COL9A1: variants seen among roughly 807,000 people sequenced by gnomAD.
The protein encoded by COL9A1 is collagen type IX alpha 1 chain.
In COL9A1, 104 loss-of-function variants were observed where a neutral mutation model predicts 142.6. The ratio of observed to expected loss-of-function variants is 0.73; its 90% CI spans 0.62 to 0.86. The LOEUF (loss-of-function observed/expected upper bound fraction) is 0.86, where lower values mean the gene tolerates loss of function less well. Ranked by LOEUF, COL9A1 falls within the 40% of genes least tolerant of loss-of-function variation. The pLI is 0.00. For synonymous variants in COL9A1, 466 were observed against 396.0 expected (o/e 1.18, Z -2.10); for missense variants, 1,210 against 1,176.6 (o/e 1.03, Z -0.42).
chr6:70,279,648 C>CAAAAAAGAAAAAAAAA (rs1772992649), intron 10 of COL9A1: 1 of 58,210 alleles, frequency 1.7e-5, no homozygotes. Context: ...AACTTCGTCT[C>CAAAAAAGAAAAAAAAA]AAAAAAAAAA....
chr6:70,288,465 T>C (rs904528650), intron 5 of COL9A1, among the ~76,000 whole-genome samples: 1 of 152,194 alleles, frequency 6.6e-6, no homozygotes, highest in East Asian at 1.9e-4. Flanking sequence ...AGGAGATCCT[T>C]TTGAAAGATG....
rs149707614 is a variant in COL9A1 at position 70,223,679 on chromosome 6, G to T, written c.2581+2253C>A. The stretch of plus-strand genomic sequence containing the variant: ...CCTGCGCACTACACGAGGACACCGC[G>T]CCAAAGCGCAGAAAACGATCCACCA... On this transcript the variant is annotated intron_variant, in intron 37 of 37. Transcript: ENST00000357250. 1.4e-3 allele frequency among the ~76,000 whole-genome samples: 207 copies of T among 152,368 alleles called. 1 individual carries two copies. The highest frequency in any genetic ancestry group is 2.6e-3 in the Non-Finnish European group (175 of 68,042).
chr6:70,218,183 G>A (rs184914476), intron 37 of COL9A1, among the ~76,000 whole-genome samples: 200 of 152,276 alleles, frequency 1.3e-3, no homozygotes, highest in Non-Finnish European at 2.0e-3. Context: ...GGAAGCACCT[G>A]ATAAATAGGG....
At chr6:70,276,110 A>T (rs916528785) in intron 10 of COL9A1, among the ~76,000 whole-genome samples, 3 of 152,186 alleles carry the variant, frequency 2.0e-5, no homozygotes, top group Non-Finnish European at 2.9e-5. Flanking sequence ...AAACACACAC[A>T]AAAGAACTTT....
At chr6:70,267,437 C>T (rs1772099818) in intron 17 of COL9A1, among the ~76,000 whole-genome samples, 1 of 149,904 alleles carries the variant, frequency 6.7e-6, no homozygotes, top group Non-Finnish European at 1.5e-5. Flanking sequence ...ATTCTCTTCT[C>T]TCAGCTTCCC....
rs1770983309 is a variant in COL9A1, at chr6:70,252,153, T to A, written c.1839A>T (p.Gly613=). 1 of 1,614,020 alleles carries A rather than the reference T, an allele frequency of 6.2e-7. No homozygotes were observed. The highest frequency in any genetic ancestry group is 8.5e-7 in the Non-Finnish European group (1 of 1,180,016). Residue 613 remains glycine (G), a synonymous_variant, in exon 28 of 38, where the codon GGA becomes GGT. Transcript: ENST00000357250. ...SGKPGQQGPP[G]EVGPRGPQGL... The stretch of plus-strand genomic sequence containing the variant: ...CCTGGGGTCCTCGGGGTCCCACCTC[T>A]CCTGGAGGCCCCTGTTGGCCCTGTT...
At chr6:70,237,093 G>A (rs1323186481) in intron 33 of COL9A1, among the ~76,000 whole-genome samples, 1 of 152,196 alleles carries the variant, frequency 6.6e-6, no homozygotes, top group Non-Finnish European at 1.5e-5. Context: ...AAAGTGCTGG[G>A]ATTACAGGCA....
At chr6:70,270,534 A>G (rs990765881) in intron 14 of COL9A1, among the ~76,000 whole-genome samples, 167 bp from the exon 15 acceptor site, 9 of 152,212 alleles carry the variant, frequency 5.9e-5, no homozygotes, top group Non-Finnish European at 1.3e-4. Context: ...AATTAGTTCT[A>G]CAAAATGAGA....
At chr6:70,234,426 T>C (rs1041897943) in intron 35 of COL9A1, 113 bp downstream of exon 35, 7 of 1,077,054 alleles carry the variant, frequency 6.5e-6, no homozygotes, top group South Asian at 5.3e-5. Flanking sequence ...AAATGTCCTA[T>C]CTTTAAGGCA....
chr6:70,240,611 G>A (rs1469968128), intron 32 of COL9A1, 78 bp downstream of exon 32: 4 of 947,770 alleles, frequency 4.2e-6, no homozygotes, highest in Non-Finnish European at 6.7e-6. Context: ...TTTGAACTGT[G>A]TTAGAAGTAT....
chr6:70,294,919 C>A (rs1773796249), intron 4 of COL9A1, among the ~76,000 whole-genome samples: 1 of 152,288 alleles, frequency 6.6e-6, no homozygotes, highest in South Asian at 2.1e-4. Context: ...AAGTTCTTGG[C>A]AATATTTCAT....
Position 70,253,576 on chromosome 6 carries a change from T to C in COL9A1, c.1720-147A>G, listed in dbSNP as rs701688. On this transcript the variant is annotated intron_variant, in intron 25 of 37. Transcript: ENST00000357250. ...AGGAAGATGCTTCCTAGTTCCCAAA[T>C]TCTGCACAGTCATTTATAGAATTAC... 259,605 of 665,390 alleles carry C rather than the reference T, an allele frequency of 0.39. 52,202 individuals carry two copies. The highest frequency in any genetic ancestry group is 0.49 in the African/African-American group (27,250 of 55,590). The allele number at this position is 665,390 out of a possible 1,614,324, so 41.2% of individuals were successfully genotyped here.
At chr6:70,255,454 T>C in intron 21 of COL9A1, 64 bp from the exon 22 acceptor site, 3 of 1,424,112 alleles carry the variant, frequency 2.1e-6, no homozygotes, top group Non-Finnish European at 3.0e-6. Context: ...TTTTAAAAAT[T>C]AGAAAGTATC....
intron 28 of COL9A1, among the ~76,000 whole-genome samples, chr6:70,246,520 C>T (rs1319334383): frequency 6.6e-6 from 1 of 152,158 alleles, no homozygotes; most frequent in Non-Finnish European, 1.5e-5. Context: ...TGTCCTCCCC[C>T]CAACCCCATC....
chr6:70,246,966 A>G (rs1230385036), intron 28 of COL9A1, among the ~76,000 whole-genome samples: 2 of 152,234 alleles, frequency 1.3e-5, no homozygotes, highest in Admixed American at 1.3e-4. Flanking sequence ...TGAGGATTGA[A>G]TAAGTTAAAA....
intron 37 of COL9A1, among the ~76,000 whole-genome samples, chr6:70,223,014 G>A (rs1225844562): frequency 1.3e-5 from 2 of 152,124 alleles, no homozygotes; most frequent in African/African-American, 4.8e-5. Flanking sequence ...AGCCTCAGTG[G>A]ACAATTAACC....
chr6:70,268,407 G>T (rs1772170315), intron 17 of COL9A1, among the ~76,000 whole-genome samples: 1 of 152,018 alleles, frequency 6.6e-6, no homozygotes, highest in South Asian at 2.1e-4. Context: ...AGAGACAGGG[G>T]TCTCCCTCTG....
chr6:70,302,709 C>CTGTCTGTCTTCGGTTTTTTG (rs914484509), intron 1 of COL9A1, among the ~76,000 whole-genome samples: 16 of 152,080 alleles, frequency 1.1e-4, no homozygotes, highest in Non-Finnish European at 1.8e-4. Context: ...CTCCCTTCCT[C>CTGTCTGTCTTCGGTTTTTTG]TGTCTGTCTT....
rs745566207 is a variant in COL9A1, at chr6:70,302,007, G to T, written c.82C>A (p.Arg28Ser). 8.7e-6 allele frequency: 14 copies of T among 1,610,058 alleles called. No homozygotes were observed. Among genetic ancestry groups the T allele is most frequent in the Middle Eastern group, 3.4e-4 (2 of 5,968 alleles). ...EPWASAAVKR[R>S]PRFPVNSNSN... is the part of the protein sequence containing the mutation. ...TAGAAACTATGGCCCTTACTGGGGCGACGCTTGACAGCTGCAGATGCCCAG... is the reference window on the plus strand; with the variant it reads ...TAGAAACTATGGCCCTTACTGGGGCTACGCTTGACAGCTGCAGATGCCCAG... The change falls in exon 2 of 38, where the codon CGC (arginine) becomes AGC (serine). Residue 28 changes from arginine (R) to serine (S), a missense_variant. Transcript: ENST00000357250.
Sources: gnomAD v4.1 joint callset for allele counts (sites outside exome capture counted in the v4.1 genomes callset) on GRCh38, gnomAD v4.1.1 for gene constraint, MANE v1.5 for transcripts, NCBI Gene and HGNC (gene_info 2026-07-23, HGNC 2026-07-21) for gene names.